The following MYH4 variants were observed in gnomAD, a reference collection of about 807,000 sequenced individuals.
MYH4 encodes myosin-4.
Under a neutral mutation model 229.9 loss-of-function variants are expected in MYH4, and 200 were observed. The observed-to-expected ratio is 0.87, with a 90% CI of 0.78 to 0.98. The LOEUF is 0.98. Ranked by LOEUF, MYH4 falls within the 50% of genes least tolerant of loss-of-function variation. MYH4 has a pLI of 0.00. For synonymous variants in MYH4, 761 were observed against 834.6 expected (o/e 0.91, Z 1.52); for missense variants, 2,148 against 2,332.6 (o/e 0.92, Z 1.63).
intron 15 of MYH4, among the ~76,000 whole-genome samples, chr17:10,458,851 G>T (rs8076779): frequency 6.6e-6 from 1 of 152,096 alleles, no homozygotes; most frequent in African/African-American, 2.4e-5. Context: ...TCTTTAAGAC[G>T]TGTTGACATA....
chr17:10,444,456 G>C (rs2072488132), intron 39 of MYH4, 148 bp downstream of exon 39: 2 of 618,792 alleles, frequency 3.2e-6, no homozygotes, highest in South Asian at 4.9e-5. Flanking sequence ...AGTAATTTAT[G>C]GTTCATTTTT....
intron 5 of MYH4, 144 bp from the exon 6 acceptor site, chr17:10,464,852 G>A (rs1424024817): frequency 2.5e-6 from 2 of 790,912 alleles, no homozygotes; most frequent in East Asian, 5.4e-5. Flanking sequence ...TTCTCATAAG[G>A]TTTTTCTAAA....
rs115031172 is a variant in MYH4, at chr17:10,443,774, G to A, written c.5668-247C>T. 0.015 allele frequency among the ~76,000 whole-genome samples: 2,330 copies of A among 152,080 alleles called. 61 individuals are homozygous for A. The highest frequency in any genetic ancestry group is 0.053 in the African/African-American group (2,188 of 41,464). On this transcript the variant is annotated intron_variant, in intron 39 of 39. Transcript: ENST00000255381. This position sits in a 1 kb window ranked among gnomAD's most constrained non-coding sequence, Gnocchi z 4.6. ...CCATCTTTACTAAAATTAGCCCAGC[G>A]TAGTGGTGGATGCCTGTAATTCCAG...
chr17:10,450,674 T>C, intron 29 of MYH4, 25 bp from the exon 30 acceptor site: 4 of 1,613,034 alleles, frequency 2.5e-6, no homozygotes, highest in Admixed American at 1.7e-5. Flanking sequence ...AACTATGTGA[T>C]ATAAGTTTAT....
At chr17:10,458,328 G>A (rs1374894180) in intron 15 of MYH4, among the ~76,000 whole-genome samples, 1 of 152,074 alleles carries the variant, frequency 6.6e-6, no homozygotes, top group Non-Finnish European at 1.5e-5. Context: ...TTCACAAATT[G>A]TACCCCTAAG....
At chr17:10,462,844 T>G in intron 11 of MYH4, 21 bp downstream of exon 11, 1 of 1,583,094 alleles carries the variant, frequency 6.3e-7, no homozygotes, top group Non-Finnish European at 8.6e-7. Flanking sequence ...TACTTTTTAC[T>G]ACTTTGTACC....
chr17:10,453,192 A>T lies in MYH4; in HGVS notation c.3071T>A (p.Leu1024Gln). The change falls in exon 24 of 40, where the codon CTG becomes CAG. Residue 1024 changes from leucine to glutamine, a missense_variant. Transcript: ENST00000255381. ...TTCTAGCTTGGTTTTAGCTTTGGTCAGGGTGTTGACTTTGTCCTCCTCCAT... is the reference window on the plus strand; with the variant it reads ...TTCTAGCTTGGTTTTAGCTTTGGTCTGGGTGTTGACTTTGTCCTCCTCCAT... ...LQMEEDKVNT[L>Q]TKAKTKLEQQ... is the part of the protein sequence containing the mutation. 1 of 1,614,090 alleles carries T rather than the reference A, an allele frequency of 6.2e-7. No homozygotes were observed. The highest frequency in any genetic ancestry group is 8.5e-7 in the Non-Finnish European group (1 of 1,180,020).
intron 14 of MYH4, 34 bp downstream of exon 14, chr17:10,459,918 G>T (rs376593148): frequency 1.2e-4 from 186 of 1,613,542 alleles, no homozygotes; most frequent in Middle Eastern, 6.9e-4. Flanking sequence ...AAGAGGATTT[G>T]CACTGGCTAA....
At position 10,457,431 on chromosome 17, in the gene MYH4, G is replaced by A. The variant is rs1391212979; in HGVS notation, c.1886C>T (p.Thr629Ile). 1.2e-6 allele frequency: 2 copies of A among 1,605,482 alleles called. No homozygotes were observed. The highest frequency in any genetic ancestry group is 1.7e-6 in the Non-Finnish European group (2 of 1,174,830). Residue 629 changes from threonine (T) to isoleucine (I), a missense_variant, in exon 16 of 40, where the codon ACT (threonine) becomes ATT (isoleucine). By Grantham distance (89) the Thr-to-Ile change is moderately conservative. Coordinates refer to ENST00000255381, the MANE Select transcript of MYH4 (RefSeq NM_017533.2). ...TLAFLFSGAQ[T>I]AEAEGGGGKK... is the part of the protein sequence containing the mutation. ...CTATTAAACATGACCTGCTTCAGCA[G>A]TTTGTGCCCCAGAGAAGAGGAAAGC...
rs549110332 is a variant in MYH4 at position 10,457,696 on chromosome 17, A to G, written c.1621T>C (p.Cys541Arg). Residue 541 changes from cysteine (C) to arginine (R), a missense_variant, in exon 16 of 40, where the codon TGC becomes CGC. Coordinates refer to ENST00000255381, the MANE Select transcript of MYH4 (RefSeq NM_017533.2). ...MGIFSILEEECMFPKATDTSF... is the reference protein window; with the variant it reads ...MGIFSILEEERMFPKATDTSF... ...GTGTCTGTTGCCTTGGGGAACATGCACTCCTCTTCTAGGATGGAGAAGATG... is the reference window on the plus strand; with the variant it reads ...GTGTCTGTTGCCTTGGGGAACATGCGCTCCTCTTCTAGGATGGAGAAGATG... 5.0e-6 allele frequency: 8 copies of G among 1,614,100 alleles called. No individual in the cohort carries two copies. The Admixed American group carries it at 1.3e-4, about 27-fold the overall frequency.
intron 10 of MYH4, 22 bp from the exon 11 acceptor site, chr17:10,462,990 G>A (rs2142229660): frequency 1.2e-6 from 2 of 1,607,648 alleles, no homozygotes; most frequent in Non-Finnish European, 1.7e-6. Context: ...GAAAAGAACA[G>A]TATATAGACA....
rs761645152 is a variant in MYH4, at chr17:10,444,869, C to T, written c.5497G>A (p.Glu1833Lys). ...VRELESEVES[E>K]QKHNVEAVKG... ...ACAGCCTCAACATTGTGCTTCTGTT[C>T]ACTTTCCACCTCACTTTCAAGCTCT... The change falls in exon 38 of 40, where the codon GAA (glutamate) becomes AAA (lysine). Residue 1833 changes from glutamate to lysine, a missense_variant. Glu to Lys is a moderately conservative substitution (Grantham distance 56). Transcript: ENST00000255381. 6.8e-6 allele frequency: 11 copies of T among 1,613,988 alleles called. 1 individual carries two copies. The highest frequency in any genetic ancestry group is 1.3e-5 in the African/African-American group (1 of 74,902).
In MYH4 at chr17:10,449,036, G is replaced by A. The variant is rs781773161; in HGVS notation, c.4193C>T (p.Ala1398Val). Residue 1398 changes from alanine to valine, a missense_variant, in exon 31 of 40, where the codon GCC (alanine) becomes GTC (valine). Transcript: ENST00000255381. ...TTCTTCTGCATCCTGCAGACGCTGG[G>A]CTAGCTTCTTCCTGAAAATTGGGTC... The part of the protein sequence containing the change: ...EELEEAKKKL[A>V]QRLQDAEEHV... The A allele has an allele frequency of 1.9e-6, 3 of 1,613,936 alleles. No homozygotes were observed. Among genetic ancestry groups the A allele is most frequent in the Admixed American group, 3.3e-5 (2 of 60,008 alleles).
At position 10,465,610 on chromosome 17, in the gene MYH4, G is replaced by T. The variant is rs1294569137; in HGVS notation, c.349-12C>A. 2 of 1,614,080 alleles carry T rather than the reference G, an allele frequency of 1.2e-6. No homozygotes were observed. Among genetic ancestry groups the T allele is most frequent in the Non-Finnish European group, 1.7e-6 (2 of 1,179,988 alleles). Reference sequence around the variant, plus strand: ...AGGCCCGAGTAGGTCTGTGGGAAAGGACGGGGTTCCTCGATCAGCAATCAC... The same window carrying T: ...AGGCCCGAGTAGGTCTGTGGGAAAGTACGGGGTTCCTCGATCAGCAATCAC... On this transcript the variant is annotated splice_polypyrimidine_tract_variant and intron_variant, in intron 4 of 39. Transcript: ENST00000255381.
At position 10,454,731 on chromosome 17, in the gene MYH4, T is replaced by G. The variant is rs374627618; in HGVS notation, c.2515A>C (p.Lys839Gln). 3.1e-6 allele frequency: 5 copies of G among 1,614,076 alleles called. No individual in the cohort carries two copies. Among genetic ancestry groups the G allele is most frequent in the Non-Finnish European group, 4.2e-6 (5 of 1,180,044 alleles). The change falls in exon 22 of 40, where the codon AAG (lysine) becomes CAG (glutamine). Residue 839 changes from lysine to glutamine, a missense_variant. Coordinates refer to ENST00000255381, the MANE Select transcript of MYH4 (RefSeq NM_017533.2). ...KHWPWMKLYF[K>Q]IKPLLKSAET... The stretch of plus-strand genomic sequence containing the variant: ...GCACTCTTGAGGAGGGGCTTGATCT[T>G]GAAATACAGCTTCATCCAGGGCCAG...
chr17:10,448,505 A>G lies in MYH4; in HGVS notation c.4547T>C (p.Leu1516Pro). 1 of 1,613,584 alleles carries G rather than the reference A, an allele frequency of 6.2e-7. No homozygotes were observed. The highest frequency in any genetic ancestry group is 8.5e-7 in the Non-Finnish European group (1 of 1,179,904). Reference protein sequence around the residue: ...NKNLQQEISDLTEQIAEGGKH... With the variant: ...NKNLQQEISDPTEQIAEGGKH... ...TCCACCCTCTGCAATTTGCTCTGTC[A>G]GGTCAGAAATCTCCTCTGTAATAAT... Residue 1516 changes from leucine (L) to proline (P), a missense_variant, in exon 33 of 40, where the codon CTG becomes CCG. By Grantham distance (98) the Leu-to-Pro change is moderately conservative. Coordinates refer to ENST00000255381, the MANE Select transcript of MYH4 (RefSeq NM_017533.2).
chr17:10,457,579 A>G lies in MYH4; in HGVS notation c.1738T>C (p.Phe580Leu), dbSNP rs1021403958. 4 of 1,614,206 alleles carry G rather than the reference A, an allele frequency of 2.5e-6. No individual in the cohort carries two copies. Among genetic ancestry groups the G allele is most frequent in the Admixed American group, 1.7e-5 (1 of 60,026 alleles). Residue 580 changes from phenylalanine (F) to leucine (L), a missense_variant, in exon 16 of 40, where the codon TTC becomes CTC. Phe to Leu is a conservative substitution (Grantham distance 22). Coordinates refer to ENST00000255381, the MANE Select transcript of MYH4 (RefSeq NM_017533.2). ...GTGCCGGCATAGTGCACCAGTGAGA[A>G]GTGAGCCTCAGGCTTGCCTTTGGCA... ...KPAKGKPEAHFSLVHYAGTVD... is the reference protein window; with the variant it reads ...KPAKGKPEAHLSLVHYAGTVD...
At chr17:10,464,753 A>G in intron 5 of MYH4, 45 bp from the exon 6 acceptor site, 1 of 1,586,222 alleles carries the variant, frequency 6.3e-7, no homozygotes, top group Non-Finnish European at 8.6e-7. Flanking sequence ...AACACACTTA[A>G]CACATAGGTC....
At position 10,447,855 on chromosome 17, in the gene MYH4, G is replaced by A. The variant is rs753318940; in HGVS notation, c.4928C>T (p.Ala1643Val). The A allele has an allele frequency of 6.2e-6, 10 of 1,613,498 alleles. No homozygotes were observed. Among genetic ancestry groups the A allele is most frequent in the South Asian group, 1.1e-5 (1 of 91,014 alleles). The change falls in exon 34 of 40, where the codon GCA becomes GTA. Residue 1643 changes from alanine to valine, a missense_variant. Physicochemically the swap from Ala to Val is moderately conservative, Grantham distance 64. Transcript: ENST00000255381. ...TTGTGTGTTTCTAAGATTCCTTAGT[G>A]CCTCAGCAGCCTGGCGGTTGGCATG... ...LNHANRQAAE[A>V]LRNLRNTQGI...
Sources: allele counts gnomAD v4.1 joint callset (sites outside exome capture counted in the v4.1 genomes callset), GRCh38; gene constraint gnomAD v4.1.1; non-coding constraint Gnocchi (gnomAD v3.1); transcripts MANE v1.5; gene names NCBI Gene and HGNC (gene_info 2026-07-23, HGNC 2026-07-21).